HYDIN: variants seen among roughly 807,000 people sequenced by gnomAD.
HYDIN encodes HYDIN axonemal central pair apparatus protein, also known as axonemal central pair apparatus protein HYDIN.
A neutral mutation model predicts 403.9 loss-of-function variants in HYDIN; 132 were observed. The observed-to-expected ratio is 0.33, with a 90% CI of 0.28 to 0.38. The LOEUF is 0.38. Ranked by LOEUF, HYDIN falls within the 10% of genes least tolerant of loss-of-function variation. The probability of loss-of-function intolerance (pLI) is 1.00; values close to 1 mark genes in which losing one functional copy is unlikely to be tolerated. For missense variants in HYDIN, 2,827 were observed against 5,009.5 expected (o/e 0.56, Z 13.15); for synonymous variants, 1,202 against 1,891.7 (o/e 0.64, Z 9.46).
chr16:71,194,272 G>A (rs562207241), intron 1 of HYDIN, among the ~76,000 whole-genome samples: 329 of 152,242 alleles, frequency 2.2e-3, no homozygotes, highest in South Asian at 0.015. Flanking sequence ...TTAGCTGGGC[G>A]TGGTGGCACG....
Position 70,984,496 on chromosome 16 carries a change from T to C in HYDIN, c.4332+689A>G, listed in dbSNP as rs375263852. Among the ~76,000 whole-genome samples, 86 of 144,108 alleles carry C rather than the reference T, an allele frequency of 6.0e-4. 1 individual carries two copies. The highest frequency in any genetic ancestry group is 2.1e-3 in the African/African-American group (80 of 38,184). 94.5% of individuals were successfully genotyped at this position (144,108 alleles called of 152,430 possible). A position where few individuals can be genotyped will look rare whatever the true frequency, so the allele number is the denominator to read the frequency against. On this transcript the variant is annotated intron_variant, in intron 28 of 85. Transcript: ENST00000393567. The stretch of plus-strand genomic sequence containing the variant: ...ATATTAAGATGTATTTCTAAAGCCA[T>C]AGCAGCTAAAATAGTACAGTATTAA...
intron 1 of HYDIN, among the ~76,000 whole-genome samples, chr16:71,206,699 A>C (rs1403569821): frequency 6.6e-6 from 1 of 152,228 alleles, no homozygotes; most frequent in South Asian, 2.1e-4. Flanking sequence ...TACAGAGCTG[A>C]CACACAAAAT....
chr16:70,812,835 A>G (rs1479684294), intron 84 of HYDIN, among the ~76,000 whole-genome samples: 1 of 152,184 alleles, frequency 6.6e-6, no homozygotes, highest in Non-Finnish European at 1.5e-5. Flanking sequence ...GGGGATTCCC[A>G]GCCTCGTGTA....
At chr16:71,090,610 C>T (rs1394450071) in intron 11 of HYDIN, 1 of 152,160 alleles carries the variant, frequency 6.6e-6, no homozygotes, top group Non-Finnish European at 1.5e-5. Flanking sequence ...AGTGATCGTC[C>T]TGCCTCTGCC....
intron 19 of HYDIN, among the ~76,000 whole-genome samples, chr16:71,030,869 G>A (rs761540080): frequency 2.6e-5 from 4 of 151,902 alleles, no homozygotes; most frequent in African/African-American, 7.3e-5. Flanking sequence ...CTCAGTTGTC[G>A]GTACTATGGG....
At chr16:70,968,839 T>C (rs2078659134) in intron 36 of HYDIN, among the ~76,000 whole-genome samples, 1 of 152,224 alleles carries the variant, frequency 6.6e-6, no homozygotes, top group South Asian at 2.1e-4. Flanking sequence ...ATAGTGATAT[T>C]AGTTATCTTT....
chr16:70,938,013 G>A (rs1247028997), intron 44 of HYDIN, among the ~76,000 whole-genome samples: 1 of 152,210 alleles, frequency 6.6e-6, no homozygotes, highest in Non-Finnish European at 1.5e-5. Context: ...CCCAGGGAGG[G>A]GCAGAGAAAG....
intron 5 of HYDIN, among the ~76,000 whole-genome samples, chr16:71,172,950 G>A (rs933794246): frequency 2.0e-5 from 3 of 152,216 alleles, no homozygotes; most frequent in African/African-American, 4.8e-5. Flanking sequence ...GCATTCTGGA[G>A]CAGCCCGAAA....
At chr16:71,175,819 C>A (rs765184627) in intron 4 of HYDIN, 78 bp from the exon 5 acceptor site, 3 of 1,442,850 alleles carry the variant, frequency 2.1e-6, no homozygotes, top group South Asian at 2.3e-5. Flanking sequence ...CCATCAACTA[C>A]TTACTAGACG....
rs77860153 is a variant in HYDIN at position 70,922,785 on chromosome 16, C to CTTTT, written c.7159-1572_7159-1569dup. On this transcript the variant is annotated intron_variant, in intron 45 of 85. Coordinates refer to ENST00000393567, the MANE Select transcript of HYDIN (RefSeq NM_001270974.2). ...ATATGTCTTTAAATGCTTTTATAAC[C>CTTTT]TTTTTTTTTTTTTTTTTTTTTAGAC... Among the ~76,000 whole-genome samples the CTTTT allele has an allele frequency of 2.6e-3, 288 of 110,182 alleles. 2 individuals carry two copies. The highest frequency in any genetic ancestry group is 9.5e-3 in the African/African-American group (282 of 29,744). 72.3% of individuals were successfully genotyped at this position (110,182 alleles called of 152,430 possible).
chr16:70,895,002 A>G (rs1430898132), intron 54 of HYDIN, among the ~76,000 whole-genome samples: 1 of 152,236 alleles, frequency 6.6e-6, no homozygotes, highest in Non-Finnish European at 1.5e-5. Flanking sequence ...TTATTCCTAC[A>G]ATACTACTAT....
At chr16:71,086,994 G>T (rs972625004) in intron 12 of HYDIN, among the ~76,000 whole-genome samples, 1 of 150,540 alleles carries the variant, frequency 6.6e-6, no homozygotes, top group African/African-American at 2.4e-5. Flanking sequence ...GCACATATTC[G>T]TGAAGAGTCA....
intron 53 of HYDIN, among the ~76,000 whole-genome samples, chr16:70,899,066 C>T (rs8060778): frequency 0.032 from 4,753 of 150,604 alleles, 225 homozygotes; most frequent in African/African-American, 0.11. Context: ...CCACCATGCC[C>T]GGCCTAGTTC....
rs757490971 is a variant in HYDIN at position 71,230,653 on chromosome 16, T to A, written c.-115A>T. On this transcript the variant is annotated 5_prime_UTR_variant, in exon 1 of 86. Transcript: ENST00000393567. Reference sequence around the variant, plus strand: ...ACAGACCCCGCCGCCGCTGAGGGGCTCCATACCCAGCTTGAAGCCGCCCGC... The same window carrying A: ...ACAGACCCCGCCGCCGCTGAGGGGCACCATACCCAGCTTGAAGCCGCCCGC... 1 of 1,535,884 alleles carries A rather than the reference T, an allele frequency of 6.5e-7. No homozygotes were observed. The highest frequency in any genetic ancestry group is 1.2e-5 in the South Asian group (1 of 84,048).
chr16:71,153,924 TTTAA>T (rs2085647900), intron 6 of HYDIN, among the ~76,000 whole-genome samples: 1 of 151,820 alleles, frequency 6.6e-6, no homozygotes, highest in African/African-American at 2.4e-5. Flanking sequence ...ACCCAGCCCA[TTTAA>T]TTATTTTCAT....
chr16:71,221,048 C>T (rs1020039384), intron 1 of HYDIN, among the ~76,000 whole-genome samples: 2 of 152,084 alleles, frequency 1.3e-5, no homozygotes, highest in Non-Finnish European at 1.5e-5. Flanking sequence ...CAGACAAGGA[C>T]ACCCTGAGCT....
At chr16:71,000,171 T>C (rs2079656995) in intron 23 of HYDIN, among the ~76,000 whole-genome samples, 1 of 152,138 alleles carries the variant, frequency 6.6e-6, no homozygotes, top group Non-Finnish European at 1.5e-5. Context: ...CATCACTCCA[T>C]GAACCAAGCG....
intron 17 of HYDIN, among the ~76,000 whole-genome samples, chr16:71,061,257 G>C (rs2082068930): frequency 1.3e-5 from 2 of 149,258 alleles, no homozygotes; most frequent in South Asian, 2.1e-4. Flanking sequence ...CCTCGTGGGG[G>C]ACCTGAACTG....
intron 58 of HYDIN, among the ~76,000 whole-genome samples, chr16:70,884,821 G>T (rs1254773928): frequency 6.6e-6 from 1 of 152,232 alleles, no homozygotes; most frequent in African/African-American, 2.4e-5. Flanking sequence ...TGCTGACAAT[G>T]CAGTGGCCTG....
Sources: gnomAD v4.1 joint callset for allele counts (sites outside exome capture counted in the v4.1 genomes callset) on GRCh38, gnomAD v4.1.1 for gene constraint, MANE v1.5 for transcripts, NCBI Gene and HGNC (gene_info 2026-07-23, HGNC 2026-07-21) for gene names.